The following TRAF3IP1 variants were observed in gnomAD, a reference collection of about 807,000 sequenced individuals.
The protein encoded by TRAF3IP1 is intraflagellar transport 54, also known as TRAF3-interacting protein 1.
Under a neutral mutation model 89.9 loss-of-function variants are expected in TRAF3IP1, and 53 were observed. The ratio of observed to expected loss-of-function variants is 0.59; its 90% confidence interval spans 0.47 to 0.74. The LOEUF (loss-of-function observed/expected upper bound fraction) is 0.74, where lower values mean the gene tolerates loss of function less well. Ranked by LOEUF, TRAF3IP1 falls within the 30% of genes least tolerant of loss-of-function variation. The pLI, the probability that TRAF3IP1 is intolerant of heterozygous loss-of-function variation, is 0.00. For synonymous variants in TRAF3IP1, 311 were observed against 322.1 expected, an observed-to-expected ratio of 0.97 and a Z score of 0.37; for missense variants, 806 against 866.1, an observed-to-expected ratio of 0.93 and a Z score of 0.87.
At chr2:238,377,414 C>G (rs532439171) in intron 15 of TRAF3IP1, among the ~76,000 whole-genome samples, 14 of 151,572 alleles carry the variant, frequency 9.2e-5, no homozygotes, top group African/African-American at 2.4e-4. Context: ...GGTTCCCCCC[C>G]CACTGTGGGG....
chr2:238,325,027 C>T (rs1483926202), intron 1 of TRAF3IP1, among the ~76,000 whole-genome samples: 9 of 152,160 alleles, frequency 5.9e-5, no homozygotes, highest in South Asian at 2.1e-4. Context: ...TGCTCCCTCC[C>T]GGATTGTGGA....
intron 15 of TRAF3IP1, among the ~76,000 whole-genome samples, chr2:238,385,526 A>G (rs2106370567): frequency 6.6e-6 from 1 of 152,364 alleles, no homozygotes; most frequent in African/African-American, 2.4e-5. Flanking sequence ...GTCAACAGTC[A>G]ACATCGTATG....
Position 238,351,160 on chromosome 2 carries a change from G to A in TRAF3IP1, c.1452-1667G>A, listed in dbSNP as rs1699133694. ...TAGTGACAGGGGTGCCCCTGGGAGT[G>A]GGCGTCGAGTGTGGGAGGTGGGATC... is the stretch of plus-strand genomic sequence containing the variant. On this transcript the variant is annotated intron_variant, in intron 12 of 16. Coordinates refer to ENST00000373327, the MANE Select transcript of TRAF3IP1 (RefSeq NM_015650.4). This position sits in a 1 kb window ranked among gnomAD's most constrained non-coding sequence, Gnocchi z 5.2. Among the ~76,000 whole-genome samples the A allele has an allele frequency of 6.6e-6, 1 of 152,116 alleles. No homozygotes were observed.
chr2:238,390,257 C>T (rs1273496909), intron 15 of TRAF3IP1, among the ~76,000 whole-genome samples: 2 of 152,140 alleles, frequency 1.3e-5, no homozygotes, highest in Admixed American at 6.6e-5. Flanking sequence ...CAAAAAGGTG[C>T]CGTGGGTGGT....
At chr2:238,337,558 A>G (rs1378576040) in intron 7 of TRAF3IP1, among the ~76,000 whole-genome samples, 1 of 152,256 alleles carries the variant, frequency 6.6e-6, no homozygotes, top group East Asian at 1.9e-4. Context: ...GTGGAGTGGC[A>G]GGAGTAAAGG....
At chr2:238,397,019 G>T (rs1701256596) in intron 15 of TRAF3IP1, among the ~76,000 whole-genome samples, 2 of 152,164 alleles carry the variant, frequency 1.3e-5, no homozygotes, top group South Asian at 2.1e-4. Context: ...AAGTCATTTG[G>T]GATGGAAGGT....
Position 238,338,376 on chromosome 2 carries a change from A to G in TRAF3IP1, c.1078A>G (p.Asn360Asp). The G allele has an allele frequency of 6.4e-7, 1 of 1,573,186 alleles. No homozygotes were observed. Among genetic ancestry groups the G allele is most frequent in the Non-Finnish European group, 8.6e-7 (1 of 1,156,426 alleles). The change falls in exon 8 of 17, where the codon AAT becomes GAT. Residue 360 changes from asparagine (N) to aspartate (D), a missense_variant. Physicochemically the swap from Asn to Asp is conservative, Grantham distance 23. Transcript: ENST00000373327. The stretch of plus-strand genomic sequence containing the variant: ...TTTTATGTCAGGAAGGAAGGAGGAT[A>G]ATATTTCAGCTAAAAGTTTAGACTC... ...KNSVEGRKED[N>D]ISAKSLDSIV...
rs55708222 is a variant in TRAF3IP1, at chr2:238,379,052, C to T, written c.1690-18407C>T. Among the ~76,000 whole-genome samples, 9,752 of 152,232 alleles carry T rather than the reference C, an allele frequency of 0.064. 399 individuals are homozygous for T. Among genetic ancestry groups the T allele is most frequent in the Non-Finnish European group, 0.082 (5,543 of 68,006 alleles). On this transcript the variant is annotated intron_variant, in intron 15 of 16. Transcript: ENST00000373327. This position sits in a 1 kb window ranked among gnomAD's most constrained non-coding sequence, Gnocchi z 4.0. ...AGCCTGGCGCTGATGCTGATGCAGC[C>T]GCCCTGTGTCAGGTGCTCAGCGGAA...
At chr2:238,338,519 C>CA (rs764192184) in intron 8 of TRAF3IP1, 62 bp downstream of exon 8, 5 of 917,534 alleles carry the variant, frequency 5.4e-6, no homozygotes, top group Non-Finnish European at 6.6e-6. Flanking sequence ...GGTTATATCT[C>CA]AATGTAGTTA....
At chr2:238,390,704 G>C (rs1315325148) in intron 15 of TRAF3IP1, among the ~76,000 whole-genome samples, 1 of 152,144 alleles carries the variant, frequency 6.6e-6, no homozygotes, top group African/African-American at 2.4e-5. Flanking sequence ...GCACTGAACT[G>C]CTTACTTTAT....
chr2:238,343,466 C>T lies in TRAF3IP1; in HGVS notation c.1160-1031C>T, dbSNP rs533549414. Among the ~76,000 whole-genome samples, 7 of 152,074 alleles carry T rather than the reference C, an allele frequency of 4.6e-5. No homozygotes were observed. The South Asian group carries it at 1.2e-3, about 27-fold the overall frequency. ...GCATGATCATGGCTCACTGCAGCCT[C>T]GACCTCCTGGGCTCACGTGATTCTC... On this transcript the variant is annotated intron_variant, in intron 8 of 16. Coordinates refer to ENST00000373327, the MANE Select transcript of TRAF3IP1 (RefSeq NM_015650.4).
At chr2:238,395,563 A>G (rs1291840240) in intron 15 of TRAF3IP1, among the ~76,000 whole-genome samples, 1 of 152,264 alleles carries the variant, frequency 6.6e-6, no homozygotes, top group Non-Finnish European at 1.5e-5. Flanking sequence ...GCTTCTGCAC[A>G]GCAAAAGAAA....
At chr2:238,330,965 GA>G (rs1206612907) in intron 5 of TRAF3IP1, among the ~76,000 whole-genome samples, 1 of 152,080 alleles carries the variant, frequency 6.6e-6, no homozygotes, top group African/African-American at 2.4e-5. Flanking sequence ...AGAGGTGTAA[GA>G]AAAAATATTT....
chr2:238,352,211 G>C (rs139641201), intron 12 of TRAF3IP1, among the ~76,000 whole-genome samples: 2 of 152,260 alleles, frequency 1.3e-5, no homozygotes, highest in African/African-American at 4.8e-5. Flanking sequence ...TCTGGGGCTG[G>C]AGGGCCAGGC....
chr2:238,353,333 C>T, intron 14 of TRAF3IP1, 124 bp downstream of exon 14: 3 of 1,017,240 alleles, frequency 2.9e-6, no homozygotes, highest in Admixed American at 4.4e-5. Context: ...CTGGGTCACA[C>T]TGGCGGGATC....
Position 238,379,327 on chromosome 2 carries a change from T to C in TRAF3IP1, c.1690-18132T>C, listed in dbSNP as rs926156834. 3.9e-5 allele frequency among the ~76,000 whole-genome samples: 6 copies of C among 152,212 alleles called. No individual in the cohort carries two copies. The highest frequency in any genetic ancestry group is 1.4e-4 in the African/African-American group (6 of 41,446). On this transcript the variant is annotated intron_variant, in intron 15 of 16. Transcript: ENST00000373327. The surrounding 1 kb of genome is among the most constrained non-coding windows in gnomAD (Gnocchi z 4.0). ...CCCGGGCTCTGCTATCCTCACAGCATTGGTCACTGACTGAGACCATGCGAC... is the reference window on the plus strand; with the variant it reads ...CCCGGGCTCTGCTATCCTCACAGCACTGGTCACTGACTGAGACCATGCGAC...
At chr2:238,374,726 C>T (rs923500550) in intron 15 of TRAF3IP1, among the ~76,000 whole-genome samples, 2 of 152,168 alleles carry the variant, frequency 1.3e-5, no homozygotes, top group African/African-American at 4.8e-5. Flanking sequence ...CTTTGTACCT[C>T]TGGTAGAATT....
At chr2:238,359,495 G>A (rs1320395769) in intron 15 of TRAF3IP1, among the ~76,000 whole-genome samples, 5 of 151,936 alleles carry the variant, frequency 3.3e-5, no homozygotes, top group East Asian at 3.9e-4. Flanking sequence ...CAGTCTGGCC[G>A]TTTTTACTCA....
intron 15 of TRAF3IP1, among the ~76,000 whole-genome samples, chr2:238,373,491 C>T (rs965710954): frequency 6.6e-6 from 1 of 152,056 alleles, no homozygotes; most frequent in Non-Finnish European, 1.5e-5. Context: ...CATTGGTCTA[C>T]ATCTCTGTTG....
Sources: allele counts gnomAD v4.1 joint callset (sites outside exome capture counted in the v4.1 genomes callset), GRCh38; gene constraint gnomAD v4.1.1; non-coding constraint Gnocchi (gnomAD v3.1); transcripts MANE v1.5; gene names NCBI Gene and HGNC (gene_info 2026-07-23, HGNC 2026-07-21).